The following UNC13C variants were observed in gnomAD, a reference collection of about 807,000 sequenced individuals.
UNC13C encodes unc-13 homolog C.
Under a neutral mutation model 245.4 loss-of-function variants are expected in UNC13C, and 174 were observed. The observed-to-expected ratio is 0.71, with a 90% CI of 0.63 to 0.80. The LOEUF (loss-of-function observed/expected upper bound fraction) is 0.80. Ranked by LOEUF, UNC13C falls within the 30% of genes least tolerant of loss-of-function variation. The probability of loss-of-function intolerance (pLI) is 0.00; values close to 1 mark genes in which losing one functional copy is unlikely to be tolerated. For synonymous variants in UNC13C, 992 were observed against 895.1 expected (o/e 1.11, Z -1.93); for missense variants, 2,829 against 2,602.9 (o/e 1.09, Z -1.89).
At chr15:54,573,969 A>G (rs965676998) in intron 30 of UNC13C, among the ~76,000 whole-genome samples, 11 of 152,232 alleles carry the variant, frequency 7.2e-5, no homozygotes, top group Non-Finnish European at 1.3e-4. Flanking sequence ...GAGAAGGTAG[A>G]AGAAGAAATG....
At chr15:54,511,323 T>G (rs1894729708) in intron 23 of UNC13C, among the ~76,000 whole-genome samples, 1 of 152,134 alleles carries the variant, frequency 6.6e-6, no homozygotes, top group Admixed American at 6.6e-5. Flanking sequence ...CCAGAAAATA[T>G]ATTTAAGTTT....
rs1003117665 is a variant in UNC13C, at chr15:54,136,712, T to C, written c.2984-6306T>C. 1.6e-4 allele frequency among the ~76,000 whole-genome samples: 24 copies of C among 152,158 alleles called. 1 individual carries two copies. Among genetic ancestry groups the C allele is most frequent in the Non-Finnish European group, 5.9e-5 (4 of 68,032 alleles). ...GTGTATGGCTTTTATTATGTACAGG[T>C]GCATTCCCTCGATATCTGATTTGCT... On this transcript the variant is annotated intron_variant, in intron 2 of 32. Transcript: ENST00000260323.
At chr15:54,383,184 C>G (rs982205418) in intron 17 of UNC13C, among the ~76,000 whole-genome samples, 1 of 152,162 alleles carries the variant, frequency 6.6e-6, no homozygotes, top group African/African-American at 2.4e-5. Flanking sequence ...TCTCCCTACT[C>G]ATTCTATGAG....
At chr15:54,377,126 G>A (rs1184527731) in intron 17 of UNC13C, among the ~76,000 whole-genome samples, 1 of 152,190 alleles carries the variant, frequency 6.6e-6, no homozygotes, top group Non-Finnish European at 1.5e-5. Context: ...TTTTCCTTCA[G>A]AGCCTCCAGA....
chr15:54,476,417 T>C (rs1302238436), intron 19 of UNC13C, among the ~76,000 whole-genome samples: 1 of 151,422 alleles, frequency 6.6e-6, no homozygotes, highest in African/African-American at 2.4e-5. Flanking sequence ...GCCTAGGTTT[T>C]CTTCTAGGGT....
chr15:54,335,379 T>C (rs1210145642), intron 16 of UNC13C, among the ~76,000 whole-genome samples: 2 of 152,180 alleles, frequency 1.3e-5, no homozygotes, highest in Admixed American at 1.3e-4. Flanking sequence ...TATTATCTTT[T>C]GAACAAATTT....
At chr15:54,088,640 ACT>A (rs1899386136) in intron 2 of UNC13C, among the ~76,000 whole-genome samples, 1 of 152,018 alleles carries the variant, frequency 6.6e-6, no homozygotes, top group African/African-American at 2.4e-5. Context: ...CTTTCTCTAC[ACT>A]GTTCCCCTGA....
Position 54,561,078 on chromosome 15 carries a change from C to G in UNC13C, c.5958+5566C>G, listed in dbSNP as rs547995049. On this transcript the variant is annotated intron_variant, in intron 29 of 32. Coordinates refer to ENST00000260323, the MANE Select transcript of UNC13C (RefSeq NM_001080534.3). ...CAAAGGAGCTGACTATTAAATCTGACTCTTTTCCCCAAGCAATAGTTCAAA... is the reference window on the plus strand; with the variant it reads ...CAAAGGAGCTGACTATTAAATCTGAGTCTTTTCCCCAAGCAATAGTTCAAA... 3.9e-5 allele frequency among the ~76,000 whole-genome samples: 6 copies of G among 152,052 alleles called. No homozygotes were observed. The East Asian group carries it at 1.2e-3, about 30-fold the overall frequency.
chr15:54,016,008 TTACTC>T, intron 2 of UNC13C, 122 bp downstream of exon 2: 1 of 866,188 alleles, frequency 1.2e-6, no homozygotes, highest in South Asian at 2.0e-5. Context: ...TTTCCATGCT[TTACTC>T]TGAGGAGCAT....
At chr15:54,449,063 G>C (rs1217867842) in intron 19 of UNC13C, among the ~76,000 whole-genome samples, 1 of 152,122 alleles carries the variant, frequency 6.6e-6, no homozygotes, top group Non-Finnish European at 1.5e-5. Flanking sequence ...TGAAATTCTG[G>C]GTTGAAAATT....
At chr15:54,231,539 A>G (rs1013076619) in intron 4 of UNC13C, among the ~76,000 whole-genome samples, 5 of 152,114 alleles carry the variant, frequency 3.3e-5, no homozygotes, top group African/African-American at 9.6e-5. Context: ...AAATAATTGT[A>G]CCTATACCTC....
At chr15:53,931,968 A>G in the UNC13C span, among the ~76,000 whole-genome samples, 1 of 151,970 alleles carries the variant, frequency 6.6e-6, no homozygotes, top group Non-Finnish European at 1.5e-5. Context: ...TCCAAAATAC[A>G]CCCCTCATGT....
At chr15:54,329,575 C>A (rs2038387364) in intron 14 of UNC13C, among the ~76,000 whole-genome samples, 2 of 152,014 alleles carry the variant, frequency 1.3e-5, no homozygotes, top group African/African-American at 4.8e-5. Flanking sequence ...TCACACCCTA[C>A]AGGCAGTAGG....
intron 2 of UNC13C, among the ~76,000 whole-genome samples, chr15:54,141,861 A>T (rs1015427558): frequency 1.8e-3 from 277 of 152,274 alleles, no homozygotes; most frequent in Admixed American, 2.5e-3. Context: ...ATATTTACTT[A>T]TGATAGTTAA....
intron 2 of UNC13C, among the ~76,000 whole-genome samples, chr15:54,022,190 C>T (rs1025286266): frequency 3.3e-5 from 5 of 152,218 alleles, no homozygotes; most frequent in Non-Finnish European, 5.9e-5. Context: ...TGCTAATATA[C>T]GTTCCTACCA....
At chr15:54,101,340 T>C (rs745502388) in intron 2 of UNC13C, among the ~76,000 whole-genome samples, 10 of 152,214 alleles carry the variant, frequency 6.6e-5, no homozygotes, top group African/African-American at 9.6e-5. Context: ...TGTCTTTTAT[T>C]GCCATATTGA....
chr15:54,017,324 T>C (rs2140998119), intron 2 of UNC13C, among the ~76,000 whole-genome samples: 1 of 152,278 alleles, frequency 6.6e-6, no homozygotes, highest in East Asian at 1.9e-4. Flanking sequence ...GGTAATAATA[T>C]CTATCTTATA....
chr15:54,169,543 T>C (rs1339201916), intron 4 of UNC13C, among the ~76,000 whole-genome samples: 2 of 152,156 alleles, frequency 1.3e-5, no homozygotes, highest in African/African-American at 4.8e-5. Context: ...AGAATTGAAA[T>C]TCAATGTATT....
intron 27 of UNC13C, 80 bp downstream of exon 27, chr15:54,546,925 T>TA: frequency 8.0e-7 from 1 of 1,254,702 alleles, no homozygotes; most frequent in Non-Finnish European, 1.1e-6. Context: ...CCAGATGAAA[T>TA]ACTAATTAAA....
Sources: gnomAD v4.1 joint callset for allele counts (sites outside exome capture counted in the v4.1 genomes callset) on GRCh38, gnomAD v4.1.1 for gene constraint, MANE v1.5 for transcripts, NCBI Gene and HGNC (gene_info 2026-07-23, HGNC 2026-07-21) for gene names.